The following DGKB variants were observed in gnomAD, a reference collection of about 807,000 sequenced individuals.
DGKB encodes the protein 90 kDa diacylglycerol kinase.
Under a neutral mutation model 114.3 loss-of-function variants are expected in DGKB, and 67 were observed. The observed-to-expected ratio is 0.59, with a 90% CI of 0.48 to 0.72. The LOEUF is 0.72. Among genes scored for constraint, DGKB ranks in the 30% least tolerant of loss-of-function variants. The pLI is 0.00. For missense variants in DGKB, 907 were observed against 975.2 expected (o/e 0.93, Z 0.93); for synonymous variants, 398 against 323.1 (o/e 1.23, Z -2.49).
At chr7:14,797,866 G>A (rs1471058663) in intron 2 of DGKB, among the ~76,000 whole-genome samples, 3 of 152,082 alleles carry the variant, frequency 2.0e-5, no homozygotes, top group Non-Finnish European at 4.4e-5. Flanking sequence ...TACTCCCACT[G>A]CCCGCAGCTT....
intron 3 of DGKB, 125 bp downstream of exon 3, chr7:14,757,530 T>G: frequency 5.3e-6 from 3 of 570,924 alleles, no homozygotes. Flanking sequence ...ATCATACATA[T>G]ATAATGTATA....
intron 23 of DGKB, among the ~76,000 whole-genome samples, chr7:14,279,378 C>A (rs1428845162): frequency 6.6e-6 from 1 of 152,120 alleles, no homozygotes; most frequent in Non-Finnish European, 1.5e-5. Flanking sequence ...GTGGAGCCCA[C>A]CACAGCTCAA....
chr7:14,183,534 A>G (rs1198563510), intron 23 of DGKB, among the ~76,000 whole-genome samples: 1 of 152,202 alleles, frequency 6.6e-6, no homozygotes, highest in African/African-American at 2.4e-5. Flanking sequence ...GAAGGCTAAT[A>G]TATCTACTAT....
intron 21 of DGKB, among the ~76,000 whole-genome samples, chr7:14,393,791 T>G (rs531618316): frequency 3.3e-5 from 5 of 152,212 alleles, no homozygotes. Context: ...GTTCTAAATC[T>G]GAACGAGAAA....
At chr7:14,677,840 T>C (rs1449217025) in intron 12 of DGKB, among the ~76,000 whole-genome samples, 1 of 152,062 alleles carries the variant, frequency 6.6e-6, no homozygotes, top group Non-Finnish European at 1.5e-5. Flanking sequence ...AGAAGGCAGT[T>C]TTCCACTGAT....
chr7:14,842,131 C>T (rs1226796480), intron 1 of DGKB, among the ~76,000 whole-genome samples: 1 of 152,138 alleles, frequency 6.6e-6, no homozygotes, highest in African/African-American at 2.4e-5. Flanking sequence ...ATCAATTGCT[C>T]AATAATCAGC....
chr7:14,657,801 A>G (rs967642783), intron 13 of DGKB, among the ~76,000 whole-genome samples: 1 of 151,912 alleles, frequency 6.6e-6, no homozygotes, highest in Non-Finnish European at 1.5e-5. Flanking sequence ...GAAGATTTGA[A>G]TATCTCCCAC....
chr7:14,735,774 C>A (rs2128399857), intron 5 of DGKB, among the ~76,000 whole-genome samples: 1 of 152,174 alleles, frequency 6.6e-6, no homozygotes, highest in South Asian at 2.1e-4. Context: ...GAGCAGTTTT[C>A]CAAATTTGAT....
chr7:14,556,358 G>C (rs1795870679), intron 20 of DGKB, among the ~76,000 whole-genome samples: 1 of 151,930 alleles, frequency 6.6e-6, no homozygotes, highest in Non-Finnish European at 1.5e-5. Context: ...TGCTTTACTA[G>C]TTTCATTTCT....
chr7:14,400,462 G>A (rs1822928136), intron 21 of DGKB, among the ~76,000 whole-genome samples: 1 of 151,840 alleles, frequency 6.6e-6, no homozygotes, highest in African/African-American at 2.4e-5. Flanking sequence ...GATCTGGCAA[G>A]TAACAGACTT....
In DGKB at chr7:14,187,847, C is replaced by T. The variant is rs12534111; in HGVS notation, c.2123-9696G>A. Among the ~76,000 whole-genome samples, 1,312 of 152,024 alleles carry T rather than the reference C, an allele frequency of 8.6e-3. 7 individuals are homozygous for T. Among genetic ancestry groups the T allele is most frequent in the Non-Finnish European group, 0.014 (948 of 67,984 alleles). ...CACAAAATGTCTCCAGTAACAGACT[C>T]CCAAAAAGGACATTCATATAATATC... On this transcript the variant is annotated intron_variant, in intron 23 of 25. Transcript: ENST00000402815.
intron 7 of DGKB, among the ~76,000 whole-genome samples, chr7:14,701,328 C>G (rs1197822947): frequency 6.6e-6 from 1 of 152,130 alleles, no homozygotes; most frequent in Non-Finnish European, 1.5e-5. Context: ...TTCCTTAATG[C>G]CAAATGTTAC....
intron 9 of DGKB, among the ~76,000 whole-genome samples, chr7:14,687,677 G>C (rs549177003): frequency 1.1e-3 from 173 of 152,170 alleles, no homozygotes; most frequent in Middle Eastern, 6.8e-3. Context: ...TAGTAGCTAA[G>C]TGCTTAAAAA....
At chr7:14,155,855 TGAA>T (rs1373954402) in intron 25 of DGKB, among the ~76,000 whole-genome samples, 1 of 152,086 alleles carries the variant, frequency 6.6e-6, no homozygotes, top group Non-Finnish European at 1.5e-5. Context: ...GGTGACGTTC[TGAA>T]GGAGATGCTC....
At chr7:14,844,779 T>C (rs890491036) in intron 1 of DGKB, among the ~76,000 whole-genome samples, 1 of 152,148 alleles carries the variant, frequency 6.6e-6, no homozygotes, top group Non-Finnish European at 1.5e-5. Flanking sequence ...ATCTTAATTA[T>C]ATCTTTCCAC....
intron 2 of DGKB, among the ~76,000 whole-genome samples, chr7:14,802,904 A>T (rs1215693592): frequency 6.6e-6 from 1 of 152,060 alleles, no homozygotes; most frequent in Non-Finnish European, 1.5e-5. Context: ...TATTTACATA[A>T]ATGGTTATAA....
At chr7:14,921,896 G>C (rs1387461777) in intron 1 of DGKB, among the ~76,000 whole-genome samples, 2 of 152,150 alleles carry the variant, frequency 1.3e-5, no homozygotes, top group East Asian at 3.8e-4. Context: ...TAGCAGTATA[G>C]AAAAGCTTTT....
rs1300642573 is a variant in DGKB at position 14,145,154 on chromosome 7, G to T, written c.*3977C>A. On this transcript the variant is annotated 3_prime_UTR_variant, in exon 26 of 26. Coordinates refer to ENST00000402815, the MANE Select transcript of DGKB (RefSeq NM_001350709.2). ...AGTTCCATGTTTTTAAACACAATAA[G>T]GTTATACAGAATCTCTCAAATGTGA... The T allele has an allele frequency of 6.6e-6, 1 of 152,008 alleles. No individual in the cohort carries two copies. The highest frequency in any genetic ancestry group is 1.5e-5 in the Non-Finnish European group (1 of 67,998). 9.4% of individuals were successfully genotyped at this position (152,008 alleles called of 1,614,324 possible).
At position 14,146,141 on chromosome 7, in the gene DGKB, T is replaced by A. The variant is rs1394969126; in HGVS notation, c.*2990A>T. The A allele has an allele frequency of 6.6e-6, 1 of 152,204 alleles. No homozygotes were observed. Among genetic ancestry groups the A allele is most frequent in the African/African-American group, 2.4e-5 (1 of 41,448 alleles). 9.4% of individuals were successfully genotyped at this position (152,204 alleles called of 1,614,324 possible). A position where few individuals can be genotyped will look rare whatever the true frequency, so the allele number is the denominator to read the frequency against. Reference sequence around the variant, plus strand: ...TGCAAGATATCTCCTTCCACCACAATAAATTGATCAGCATTTTCACATGAA... The same window carrying A: ...TGCAAGATATCTCCTTCCACCACAAAAAATTGATCAGCATTTTCACATGAA... On this transcript the variant is annotated 3_prime_UTR_variant, in exon 26 of 26. Transcript: ENST00000402815.
Sources: allele counts gnomAD v4.1 joint callset (sites outside exome capture counted in the v4.1 genomes callset), GRCh38; gene constraint gnomAD v4.1.1; transcripts MANE v1.5; gene names NCBI Gene and HGNC (gene_info 2026-07-23, HGNC 2026-07-21).